SYT7: variants seen among roughly 807,000 people sequenced by gnomAD.
The protein encoded by SYT7 is synaptotagmin 7.
A neutral mutation model predicts 75.1 loss-of-function variants in SYT7; 29 were observed. The observed-to-expected ratio is 0.39, with a 90% CI of 0.29 to 0.53. SYT7 has a LOEUF of 0.53. Among genes scored for constraint, SYT7 ranks in the 20% least tolerant of loss-of-function variants. SYT7 has a pLI of 0.77. For missense variants in SYT7, 693 were observed against 953.2 expected, an observed-to-expected ratio of 0.73 and a Z score of 3.59; for synonymous variants, 376 against 401.7, an observed-to-expected ratio of 0.94 and a Z score of 0.76.
chr11:61,559,376 C>T (rs2063581028), intron 1 of SYT7, among the ~76,000 whole-genome samples: 1 of 152,054 alleles, frequency 6.6e-6, no homozygotes, highest in Non-Finnish European at 1.5e-5. Context: ...AGGAGCCGGA[C>T]TTAGGGTATG....
In SYT7 at chr11:61,515,784, A is replaced by G. The variant is rs574960974; in HGVS notation, c.*2843T>C. The G allele has an allele frequency of 2.3e-3, 359 of 152,808 alleles. 4 individuals carry two copies. Among genetic ancestry groups the G allele is most frequent in the Non-Finnish European group, 8.4e-4 (57 of 68,062 alleles). The allele number at this position is 152,808 out of a possible 1,614,324, so 9.5% of individuals were successfully genotyped here. A position where few individuals can be genotyped will look rare whatever the true frequency, so the allele number is the denominator to read the frequency against. On this transcript the variant is annotated 3_prime_UTR_variant, in exon 13 of 13. Transcript: ENST00000539008. ...GATAAGGACTAAGTCTAGGGCACCCACAAAGATGGCAGACGAAGCCCATGA... is the reference window on the plus strand; with the variant it reads ...GATAAGGACTAAGTCTAGGGCACCCGCAAAGATGGCAGACGAAGCCCATGA...
chr11:61,520,694 A>ATCC (rs2062298448), intron 12 of SYT7, among the ~76,000 whole-genome samples: 1 of 152,020 alleles, frequency 6.6e-6, no homozygotes, highest in South Asian at 2.1e-4. Context: ...ATGGTGGCAG[A>ATCC]TGCCTGTAAT....
rs1421097300 is a variant in SYT7 at position 61,581,037 on chromosome 11, G to A, written c.-217C>T. The A allele has an allele frequency of 3.3e-5, 24 of 726,884 alleles. No individual in the cohort carries two copies. In the East Asian group the frequency reaches 4.1e-4, roughly 12 times the overall value. 45.0% of individuals were successfully genotyped at this position (726,884 alleles called of 1,614,324 possible). A position where few individuals can be genotyped will look rare whatever the true frequency, so the allele number is the denominator to read the frequency against. ...AGCACGCTGCCGCCGCCGCCGAACA[G>A]CGCCGAGCCGCCTCCCTCCGGCCTG... is the stretch of plus-strand genomic sequence containing the variant. On this transcript the variant is annotated 5_prime_UTR_variant, in exon 1 of 13. Transcript: ENST00000539008.
At chr11:61,567,199 C>T (rs2063793185) in intron 1 of SYT7, among the ~76,000 whole-genome samples, 1 of 152,200 alleles carries the variant, frequency 6.6e-6, no homozygotes, top group Non-Finnish European at 1.5e-5. Flanking sequence ...AGTTGTGTGA[C>T]CTCAGGCTAC....
chr11:61,526,768 G>T (rs937765237), intron 9 of SYT7, among the ~76,000 whole-genome samples: 4 of 152,190 alleles, frequency 2.6e-5, no homozygotes, highest in Non-Finnish European at 5.9e-5. Context: ...GGGCCCTCAT[G>T]GTGCCTGCAA....
chr11:61,538,338 A>AGAGAGAGG lies in SYT7; in HGVS notation c.942-80_942-73dup, dbSNP rs1362571815. 6.7e-4 allele frequency: 599 copies of AGAGAGAGG among 895,452 alleles called. 2 individuals carry two copies. The highest frequency in any genetic ancestry group is 2.3e-3 in the African/African-American group (109 of 47,700). The allele number at this position is 895,452 out of a possible 1,614,324, so 55.5% of individuals were successfully genotyped here. On this transcript the variant is annotated intron_variant, in intron 6 of 12. Coordinates refer to ENST00000539008, the MANE Select transcript of SYT7 (RefSeq NM_001365809.2). ...CCGTGGGCGGGGGCAGGGGGGAAGG[A>AGAGAGAGG]GAGAGAGGGAGAGAGAGAGAGAGAG...
At chr11:61,533,375 G>A (rs533488851) in intron 7 of SYT7, 24 of 985,354 alleles carry the variant, frequency 2.4e-5, no homozygotes, top group Non-Finnish European at 2.9e-5. Flanking sequence ...TATTTTGGGG[G>A]GTGTCCCCAT....
intron 7 of SYT7, among the ~76,000 whole-genome samples, chr11:61,536,818 G>A (rs1336468665): frequency 6.6e-6 from 1 of 152,184 alleles, no homozygotes; most frequent in Non-Finnish European, 1.5e-5. Context: ...TAGCCCACAA[G>A]CCCAGGGCAG....
intron 3 of SYT7, among the ~76,000 whole-genome samples, chr11:61,550,645 C>T (rs895253260): frequency 3.3e-5 from 5 of 152,046 alleles, no homozygotes; most frequent in African/African-American, 1.2e-4. Context: ...ACAGAGGCCT[C>T]CCCCCCAGCA....
chr11:61,541,079 C>T (rs948834763), intron 6 of SYT7: 2 of 985,484 alleles, frequency 2.0e-6, no homozygotes, highest in Non-Finnish European at 2.4e-6. Flanking sequence ...GGGTGTCTCT[C>T]CCAGGGCAGT....
intron 8 of SYT7, among the ~76,000 whole-genome samples, chr11:61,529,665 C>T (rs1462757857): frequency 1.3e-5 from 2 of 152,184 alleles, no homozygotes; most frequent in Admixed American, 6.5e-5. Flanking sequence ...GCCAGGGTCT[C>T]GCTCTGTTGC....
chr11:61,546,323 G>A lies in SYT7; in HGVS notation c.348-68C>T. On this transcript the variant is annotated intron_variant, in intron 4 of 12. Transcript: ENST00000539008. The surrounding 1 kb of genome is among the most constrained non-coding windows in gnomAD (Gnocchi z 7.6). ...GGTGGCGGTGGGGGAGAGAGGGCAGGCCATACGTGGGGGTCGGGGGGTGGA... is the reference window on the plus strand; with the variant it reads ...GGTGGCGGTGGGGGAGAGAGGGCAGACCATACGTGGGGGTCGGGGGGTGGA... 7 of 1,124,862 alleles carry A rather than the reference G, an allele frequency of 6.2e-6. No individual in the cohort carries two copies. Among genetic ancestry groups the A allele is most frequent in the Non-Finnish European group, 8.4e-6 (7 of 831,812 alleles). 69.7% of individuals were successfully genotyped at this position (1,124,862 alleles called of 1,614,324 possible).
intron 1 of SYT7, among the ~76,000 whole-genome samples, chr11:61,569,221 G>A (rs1374634013): frequency 6.6e-6 from 1 of 152,170 alleles, no homozygotes; most frequent in Non-Finnish European, 1.5e-5. Context: ...AGGCAGGGCT[G>A]CCAGTCCCTC....
the SYT7 span, among the ~76,000 whole-genome samples, chr11:61,587,401 C>T: frequency 2.0e-5 from 3 of 152,360 alleles, no homozygotes; most frequent in South Asian, 2.1e-4. Context: ...CATGCAGGCC[C>T]ACGATGATAG....
intron 6 of SYT7, among the ~76,000 whole-genome samples, chr11:61,538,830 G>A (rs978172863): frequency 2.0e-5 from 3 of 152,218 alleles, no homozygotes; most frequent in South Asian, 2.1e-4. Context: ...TCCAGTGGGC[G>A]CTGCACCCTG....
chr11:61,524,819 A>G lies in SYT7; in HGVS notation c.1472-287T>C, dbSNP rs1329751405. 1 of 317,810 alleles carries G rather than the reference A, an allele frequency of 3.1e-6. No homozygotes were observed. Among genetic ancestry groups the G allele is most frequent in the African/African-American group, 2.2e-5 (1 of 45,754 alleles). 19.7% of individuals were successfully genotyped at this position (317,810 alleles called of 1,614,324 possible). A position where few individuals can be genotyped will look rare whatever the true frequency, so the allele number is the denominator to read the frequency against. The stretch of plus-strand genomic sequence containing the variant: ...GTACTTGCCCAGACTCCCAGCTAGT[A>G]AAGAGTAGAACTGCGATCATCCATT... On this transcript the variant is annotated intron_variant, in intron 9 of 12. Transcript: ENST00000539008. The surrounding 1 kb of genome is among the most constrained non-coding windows in gnomAD (Gnocchi z 4.1).
At chr11:61,536,389 A>T (rs897410948) in intron 7 of SYT7, among the ~76,000 whole-genome samples, 1 of 152,016 alleles carries the variant, frequency 6.6e-6, no homozygotes, top group Admixed American at 6.5e-5. Flanking sequence ...CTGCTCCCTC[A>T]CGCTTCACAC....
Position 61,580,992 on chromosome 11 carries a change from G to C in SYT7, c.-172C>G. The C allele has an allele frequency of 1.0e-6, 1 of 966,208 alleles. No individual in the cohort carries two copies. The highest frequency in any genetic ancestry group is 1.2e-6 in the Non-Finnish European group (1 of 814,842). 59.9% of individuals were successfully genotyped at this position (966,208 alleles called of 1,614,324 possible). ...GCCGGGGAGCGGGGGCCGCCCGCCA[G>C]CCCTCCCGCCCGCCCGCGGAGCACG... On this transcript the variant is annotated 5_prime_UTR_variant, in exon 1 of 13. Transcript: ENST00000539008. This position sits in a 1 kb window ranked among gnomAD's most constrained non-coding sequence, Gnocchi z 6.1.
intron 8 of SYT7, among the ~76,000 whole-genome samples, chr11:61,528,415 G>A (rs547564275): frequency 1.5e-4 from 23 of 152,192 alleles, no homozygotes; most frequent in African/African-American, 5.3e-4. Flanking sequence ...CCTCAGAGTG[G>A]TATGCACGAC....
Sources: allele counts gnomAD v4.1 joint callset (sites outside exome capture counted in the v4.1 genomes callset), GRCh38; gene constraint gnomAD v4.1.1; non-coding constraint Gnocchi (gnomAD v3.1); transcripts MANE v1.5; gene names NCBI Gene and HGNC (gene_info 2026-07-23, HGNC 2026-07-21).